PIK3R4: variants seen among roughly 807,000 people sequenced by gnomAD.
PIK3R4 encodes the protein phosphoinositide 3-kinase regulatory subunit 4.
Under a neutral mutation model 136.5 loss-of-function variants are expected in PIK3R4, and 46 were observed. That is an observed-to-expected ratio of 0.34 (90% CI 0.27 to 0.43). The LOEUF is 0.43. Ranked by LOEUF, PIK3R4 falls within the 20% of genes least tolerant of loss-of-function variation. The pLI is 1.00. For missense variants in PIK3R4, 1,331 were observed against 1,649.5 expected (o/e 0.81, Z 3.35); for synonymous variants, 557 against 566.7 (o/e 0.98, Z 0.24).
At chr3:130,726,667 C>A (rs1214858319) in intron 6 of PIK3R4, among the ~76,000 whole-genome samples, 1 of 152,012 alleles carries the variant, frequency 6.6e-6, no homozygotes, top group Non-Finnish European at 1.5e-5. Flanking sequence ...CATTTATTTT[C>A]TTCTGGTTTC....
chr3:130,691,237 G>A (rs1178051203), intron 13 of PIK3R4, among the ~76,000 whole-genome samples: 2 of 152,130 alleles, frequency 1.3e-5, no homozygotes, highest in Non-Finnish European at 2.9e-5. Context: ...GCTTGGCACA[G>A]AAGGAAAAGC....
chr3:130,726,614 A>G (rs2066733660), intron 6 of PIK3R4, among the ~76,000 whole-genome samples: 1 of 152,192 alleles, frequency 6.6e-6, no homozygotes, highest in South Asian at 2.1e-4. Context: ...AAAAAACATC[A>G]AAGCTTTAAC....
intron 14 of PIK3R4, 77 bp downstream of exon 14, chr3:130,690,413 A>G (rs1358815309): frequency 1.2e-6 from 1 of 860,914 alleles, no homozygotes; most frequent in African/African-American, 1.7e-5. Flanking sequence ...TCCCAACTAC[A>G]TTGCAGGGTA....
chr3:130,681,046 T>C lies in PIK3R4; in HGVS notation c.3728A>G (p.His1243Arg), dbSNP rs2066455123. The change falls in exon 18 of 20, where the codon CAT (histidine) becomes CGT (arginine). Residue 1243 changes from histidine to arginine, a missense_variant. By Grantham distance (29) the His-to-Arg change is conservative. Around this residue, in one of 2 missense-constraint regions of PIK3R4, gnomAD observed 1,180 missense variants for 1,407.0 expected, o/e 0.84. Coordinates refer to ENST00000356763, the MANE Select transcript of PIK3R4 (RefSeq NM_014602.3). Reference protein sequence around the residue: ...SELQPSPHSVHGIYCSPADGN... With the variant: ...SELQPSPHSVRGIYCSPADGN... Reference sequence around the variant, plus strand: ...ATCTGCAGGACTACAGTAGATACCATGGACGCTATGAGGAGAAGGCTTAAA... The same window carrying C: ...ATCTGCAGGACTACAGTAGATACCACGGACGCTATGAGGAGAAGGCTTAAA... The C allele has an allele frequency of 6.3e-7, 1 of 1,586,194 alleles. No individual in the cohort carries two copies. The highest frequency in any genetic ancestry group is 8.7e-7 in the Non-Finnish European group (1 of 1,154,666).
chr3:130,679,153 A>C lies in PIK3R4; in HGVS notation c.*162T>G, dbSNP rs2066437734. ...ATGCATAAGTAAACTAGTCAAGTAC[A>C]TCTTAACCATTTTGGGTGTCATTTA... On this transcript the variant is annotated 3_prime_UTR_variant, in exon 20 of 20. Coordinates refer to ENST00000356763, the MANE Select transcript of PIK3R4 (RefSeq NM_014602.3). The C allele has an allele frequency of 7.2e-6, 3 of 414,166 alleles. No homozygotes were observed. The highest frequency in any genetic ancestry group is 2.0e-5 in the African/African-American group (1 of 48,844). The allele number at this position is 414,166 out of a possible 1,614,324, so 25.7% of individuals were successfully genotyped here. A position where few individuals can be genotyped will look rare whatever the true frequency, so the allele number is the denominator to read the frequency against.
In PIK3R4 at chr3:130,740,458, C is replaced by T. The variant is rs1004799801; in HGVS notation, c.733+4028G>A. On this transcript the variant is annotated intron_variant, in intron 2 of 19. Transcript: ENST00000356763. ...CCTCATCTTAGAAAACACTGAAGGCCGGGCACAGTGGCTCATACCTGTAAT... is the reference window on the plus strand; with the variant it reads ...CCTCATCTTAGAAAACACTGAAGGCTGGGCACAGTGGCTCATACCTGTAAT... Among the ~76,000 whole-genome samples the T allele has an allele frequency of 4.6e-5, 7 of 152,066 alleles. No individual in the cohort carries two copies. In the East Asian group the frequency reaches 5.8e-4, roughly 13 times the overall value.
intron 4 of PIK3R4, 147 bp downstream of exon 4, chr3:130,733,397 GTAAC>G (rs1481849916): frequency 1.7e-6 from 1 of 605,766 alleles, no homozygotes; most frequent in African/African-American, 1.9e-5. Flanking sequence ...CAGGAACAGA[GTAAC>G]TAGAAATATT....
chr3:130,723,498 C>G lies in PIK3R4; in HGVS notation c.1897G>C (p.Val633Leu), dbSNP rs888840399. The change falls in exon 7 of 20, where the codon GTG becomes CTG. Residue 633 changes from valine (V) to leucine (L), a missense_variant. This residue lies in a region of PIK3R4 where 1,180 missense variants were observed against 1,407.0 expected (regional missense o/e 0.84). Coordinates refer to ENST00000356763, the MANE Select transcript of PIK3R4 (RefSeq NM_014602.3). ...GLSDAEEFVI[V>L]KALYALTCMC... ...CAAGTAAGGGCATAAAGAGCTTTCA[C>G]AATGACAAATTCCTCAGCATCACTA... The G allele has an allele frequency of 2.5e-6, 4 of 1,614,082 alleles. No individual in the cohort carries two copies. Among genetic ancestry groups the G allele is most frequent in the Non-Finnish European group, 3.4e-6 (4 of 1,179,974 alleles).
At chr3:130,739,057 C>T (rs539090308) in intron 2 of PIK3R4, among the ~76,000 whole-genome samples, 7 of 152,088 alleles carry the variant, frequency 4.6e-5, no homozygotes, top group Admixed American at 4.6e-4. Flanking sequence ...ATTAGCACAC[C>T]TTTTTTTGTT....
intron 2 of PIK3R4, among the ~76,000 whole-genome samples, chr3:130,743,366 T>C (rs942655890): frequency 7.2e-5 from 11 of 151,982 alleles, no homozygotes; most frequent in Non-Finnish European, 1.0e-4. Context: ...TGAGCTACAA[T>C]TGCACCACTG....
chr3:130,738,730 G>T (rs979143407), intron 2 of PIK3R4, among the ~76,000 whole-genome samples: 1 of 150,664 alleles, frequency 6.6e-6, no homozygotes, highest in African/African-American at 2.4e-5. Flanking sequence ...AAGGACACAG[G>T]AATCAGCCTG....
At chr3:130,718,750 AAAAGAAT>A (rs1234473791) in intron 7 of PIK3R4, among the ~76,000 whole-genome samples, 1 of 152,226 alleles carries the variant, frequency 6.6e-6, no homozygotes, top group Non-Finnish European at 1.5e-5. Context: ...GCAGTACCAC[AAAAGAAT>A]AAAAACAGTT....
At chr3:130,698,809 T>C (rs1397416810) in intron 13 of PIK3R4, among the ~76,000 whole-genome samples, 3 of 152,254 alleles carry the variant, frequency 2.0e-5, no homozygotes, top group Non-Finnish European at 4.4e-5. Flanking sequence ...ATTTGTTTAA[T>C]GACTTTCCTC....
intron 19 of PIK3R4, among the ~76,000 whole-genome samples, chr3:130,680,240 G>A (rs983777054): frequency 6.6e-6 from 1 of 152,128 alleles, no homozygotes; most frequent in African/African-American, 2.4e-5. Flanking sequence ...TTTTGCCTGA[G>A]TCAAGAATAC....
At chr3:130,683,084 TG>T (rs2066468619) in intron 16 of PIK3R4, among the ~76,000 whole-genome samples, 1 of 152,178 alleles carries the variant, frequency 6.6e-6, no homozygotes, top group Non-Finnish European at 1.5e-5. Flanking sequence ...GCTAATGGAC[TG>T]GAAGTGGGAT....
At position 130,733,749 on chromosome 3, in the gene PIK3R4, G is replaced by T. The variant is rs767530523; in HGVS notation, c.1249C>A (p.Arg417Ser). The change falls in exon 4 of 20, where the codon CGT becomes AGT. Residue 417 changes from arginine to serine, a missense_variant. By Grantham distance (110) the Arg-to-Ser change is moderately radical (BLOSUM62 -1). Coordinates refer to ENST00000356763, the MANE Select transcript of PIK3R4 (RefSeq NM_014602.3). ...AAATGCAAAAGATATGGAGTAATAC[G>T]ATCCAAAAGGATTTCAACACTTAAT... ...PRLSVEILLD[R>S]ITPYLLHFSN... 1 of 1,614,122 alleles carries T rather than the reference G, an allele frequency of 6.2e-7. No homozygotes were observed. Among genetic ancestry groups the T allele is most frequent in the Non-Finnish European group, 8.5e-7 (1 of 1,179,984 alleles).
At chr3:130,693,055 T>C (rs970857856) in intron 13 of PIK3R4, among the ~76,000 whole-genome samples, 1 of 152,214 alleles carries the variant, frequency 6.6e-6, no homozygotes, top group Non-Finnish European at 1.5e-5. Context: ...GATTTATCTA[T>C]CTGAATACTT....
chr3:130,731,051 C>T (rs2066757705), intron 4 of PIK3R4, among the ~76,000 whole-genome samples: 1 of 152,194 alleles, frequency 6.6e-6, no homozygotes, highest in African/African-American at 2.4e-5. Flanking sequence ...CTTCTCCTTT[C>T]TCTTTCTGAT....
At chr3:130,681,360 T>C (rs991790221) in intron 17 of PIK3R4, 131 bp downstream of exon 17, 3 of 676,214 alleles carry the variant, frequency 4.4e-6, no homozygotes, top group Non-Finnish European at 8.0e-6. Flanking sequence ...CACATGATAC[T>C]TGATGTTATT....
Sources: gnomAD v4.1 joint callset for allele counts (sites outside exome capture counted in the v4.1 genomes callset) on GRCh38, gnomAD v4.1.1 for gene constraint, gnomAD v4.1.1 regional missense constraint, MANE v1.5 for transcripts, NCBI Gene and HGNC (gene_info 2026-07-23, HGNC 2026-07-21) for gene names.